The following ERN1 variants were observed in gnomAD, a reference collection of about 807,000 sequenced individuals.
The protein encoded by ERN1 is endoplasmic reticulum to nucleus signaling 1.
ERN1 carries 39 observed loss-of-function variants against 113.1 expected under a neutral mutation model. That is an observed-to-expected ratio of 0.34 (90% confidence interval 0.27 to 0.45). The LOEUF (loss-of-function observed/expected upper bound fraction) is 0.45, where lower values mean the gene tolerates loss of function less well. ERN1 is among the 20% of genes least tolerant of loss of function. The pLI, the probability that ERN1 is intolerant of heterozygous loss-of-function variation, is 1.00. For missense variants in ERN1, 976 were observed against 1,274.8 expected, an observed-to-expected ratio of 0.77 and a Z score of 3.57; for synonymous variants, 507 against 515.9, an observed-to-expected ratio of 0.98 and a Z score of 0.23.
chr17:64,106,964 A>T (rs569328287), intron 1 of ERN1, among the ~76,000 whole-genome samples: 1 of 152,254 alleles, frequency 6.6e-6, no homozygotes, highest in South Asian at 2.1e-4. Flanking sequence ...CAATTCTTCT[A>T]CTTGCAGCAA....
intron 5 of ERN1, 88 bp from the exon 6 acceptor site, chr17:64,072,191 G>A: frequency 1.4e-6 from 2 of 1,436,098 alleles, no homozygotes; most frequent in East Asian, 2.3e-5. Context: ...TCTGTATTGA[G>A]AGAGATAGAC....
chr17:64,126,016 C>A (rs938871087), intron 1 of ERN1, among the ~76,000 whole-genome samples: 8 of 152,068 alleles, frequency 5.3e-5, no homozygotes, highest in Non-Finnish European at 1.5e-5. Context: ...CTAAAACCAG[C>A]TGTGTTGCTC....
rs779318223 is a variant in ERN1 at position 64,044,607 on chromosome 17, G to A, written c.2721+253C>T. Among the ~76,000 whole-genome samples, 6 of 152,198 alleles carry A rather than the reference G, an allele frequency of 3.9e-5. No homozygotes were observed. Among genetic ancestry groups the A allele is most frequent in the Admixed American group, 6.5e-5 (1 of 15,288 alleles). On this transcript the variant is annotated intron_variant, in intron 21 of 21. Coordinates refer to ENST00000433197, the MANE Select transcript of ERN1 (RefSeq NM_001433.5). This position sits in a 1 kb window ranked among gnomAD's most constrained non-coding sequence, Gnocchi z 4.1. ...GGGAGAGGGCCCCACAAAAGTCAGC[G>A]ACCAGAGACCATGAGGGACATGGGC...
chr17:64,123,206 A>G (rs1914995737), intron 1 of ERN1, among the ~76,000 whole-genome samples: 1 of 152,166 alleles, frequency 6.6e-6, no homozygotes, highest in African/African-American at 2.4e-5. Flanking sequence ...ATGGCCTCAC[A>G]ACCGACCATA....
intron 1 of ERN1, among the ~76,000 whole-genome samples, chr17:64,125,591 C>T (rs922943692): frequency 1.3e-5 from 2 of 152,168 alleles, no homozygotes; most frequent in East Asian, 3.9e-4. Context: ...CAGGTTCAAG[C>T]GATTCTCCTG....
chr17:64,066,373 TCAAA>T (rs1437469036), intron 8 of ERN1, among the ~76,000 whole-genome samples: 2 of 152,116 alleles, frequency 1.3e-5, no homozygotes, highest in African/African-American at 4.8e-5. Flanking sequence ...ACTCCTGTGC[TCAAA>T]CAATCCTCCC....
chr17:64,042,961 A>G lies in ERN1; in HGVS notation c.*1027T>C, dbSNP rs1912385762. ...TTATTAAAATTTGCCAAGAAAAACA[A>G]AAAAGCTGGCCCATGAAGCACACGG... On this transcript the variant is annotated 3_prime_UTR_variant, in exon 22 of 22. Coordinates refer to ENST00000433197, the MANE Select transcript of ERN1 (RefSeq NM_001433.5). 1 of 152,352 alleles carries G rather than the reference A, an allele frequency of 6.6e-6. No homozygotes were observed. 9.4% of individuals were successfully genotyped at this position (152,352 alleles called of 1,614,324 possible). A position where few individuals can be genotyped will look rare whatever the true frequency, so the allele number is the denominator to read the frequency against.
chr17:64,067,467 G>T (rs968239018), intron 7 of ERN1, among the ~76,000 whole-genome samples: 3 of 151,322 alleles, frequency 2.0e-5, no homozygotes, highest in South Asian at 4.2e-4. Context: ...GTAGGTGGGG[G>T]AGTGGCGGTA....
At chr17:64,107,449 G>T (rs1914559376) in intron 1 of ERN1, among the ~76,000 whole-genome samples, 1 of 152,150 alleles carries the variant, frequency 6.6e-6, no homozygotes, top group Admixed American at 6.5e-5. Flanking sequence ...AGCCTCCCGA[G>T]TAGCTGCGAC....
chr17:64,048,016 C>T, intron 18 of ERN1, 31 bp from the exon 19 acceptor site: 2 of 1,591,836 alleles, frequency 1.3e-6, no homozygotes, highest in South Asian at 1.1e-5. Context: ...CAACTCATGA[C>T]TACCAGTCCA....
chr17:64,118,833 GC>G (rs1420830405), intron 1 of ERN1, among the ~76,000 whole-genome samples: 1 of 152,156 alleles, frequency 6.6e-6, no homozygotes, highest in African/African-American at 2.4e-5. Context: ...GAGGCTAATA[GC>G]CAGCTCTCAC....
In ERN1 at chr17:64,100,259, A is replaced by G. The variant is rs138720616; in HGVS notation, c.55-2018T>C. Reference sequence around the variant, plus strand: ...GGGCTGTCTGCCACTGAGGAGGGGGAATGGGTGTGCAGCTTGGTGTGGGAT... The same window carrying G: ...GGGCTGTCTGCCACTGAGGAGGGGGGATGGGTGTGCAGCTTGGTGTGGGAT... On this transcript the variant is annotated intron_variant, in intron 1 of 21. Coordinates refer to ENST00000433197, the MANE Select transcript of ERN1 (RefSeq NM_001433.5). Among the ~76,000 whole-genome samples the G allele has an allele frequency of 2.8e-4, 42 of 152,052 alleles. No homozygotes were observed. The East Asian group carries it at 6.4e-3, about 23-fold the overall frequency.
At chr17:64,061,333 G>T (rs535017140) in intron 10 of ERN1, among the ~76,000 whole-genome samples, 14 of 152,356 alleles carry the variant, frequency 9.2e-5, no homozygotes, top group Non-Finnish European at 1.5e-5. Flanking sequence ...CCAGGTCACT[G>T]TTTCAGATTA....
intron 2 of ERN1, among the ~76,000 whole-genome samples, chr17:64,090,032 C>T (rs572926371): frequency 6.6e-6 from 1 of 152,268 alleles, no homozygotes. Flanking sequence ...AGTACTTCTC[C>T]CCAGTGGCAG....
rs1913126544 is a variant in ERN1 at position 64,063,740 on chromosome 17, GT to G, written c.1087+245del. Among the ~76,000 whole-genome samples, 1 of 152,160 alleles carries G rather than the reference GT, an allele frequency of 6.6e-6. No homozygotes were observed. Among genetic ancestry groups the G allele is most frequent in the South Asian group, 2.1e-4 (1 of 4,828 alleles). On this transcript the variant is annotated intron_variant, in intron 10 of 21. Transcript: ENST00000433197. This position sits in a 1 kb window ranked among gnomAD's most constrained non-coding sequence, Gnocchi z 5.1. ...GCTTAATGTCGGATACTCACACAAGGTTTACATTAATTTAGTACCTGAGTTT... is the reference window on the plus strand; with the variant it reads ...GCTTAATGTCGGATACTCACACAAGGTTACATTAATTTAGTACCTGAGTTT...
intron 2 of ERN1, among the ~76,000 whole-genome samples, chr17:64,095,796 C>T (rs1914213355): frequency 6.6e-6 from 1 of 152,210 alleles, no homozygotes; most frequent in South Asian, 2.1e-4. Flanking sequence ...TAAGCTCCTG[C>T]TAAACGGGAT....
chr17:64,052,714 G>A (rs900566782), intron 17 of ERN1, 66 bp downstream of exon 17: 1 of 1,466,834 alleles, frequency 6.8e-7, no homozygotes. Context: ...GAATTTAAAG[G>A]TTCTACTCCT....
intron 1 of ERN1, among the ~76,000 whole-genome samples, chr17:64,126,449 G>C (rs189340782): frequency 3.2e-4 from 48 of 152,206 alleles, no homozygotes; most frequent in African/African-American, 1.2e-3. Flanking sequence ...ACCTATGCAA[G>C]TGACACTATT....
In ERN1 at chr17:64,044,361, G is replaced by A. The variant is rs1014435043; in HGVS notation, c.2722-161C>T. Among the ~76,000 whole-genome samples, 8 of 152,194 alleles carry A rather than the reference G, an allele frequency of 5.3e-5. No homozygotes were observed. The highest frequency in any genetic ancestry group is 2.1e-4 in the South Asian group (1 of 4,832). The stretch of plus-strand genomic sequence containing the variant: ...CTTATGTATCCAAGAATCCAGCCCC[G>A]TCATCTCGCCTGCTACCCTCACTCA... On this transcript the variant is annotated intron_variant, in intron 21 of 21. Transcript: ENST00000433197. The surrounding 1 kb of genome is among the most constrained non-coding windows in gnomAD (Gnocchi z 4.1).
Sources: allele counts gnomAD v4.1 joint callset (sites outside exome capture counted in the v4.1 genomes callset), GRCh38; gene constraint gnomAD v4.1.1; non-coding constraint Gnocchi (gnomAD v3.1); transcripts MANE v1.5; gene names NCBI Gene and HGNC (gene_info 2026-07-23, HGNC 2026-07-21).